ANKFN1: variants seen among roughly 807,000 people sequenced by gnomAD.
ANKFN1 encodes the protein ankyrin repeat and fibronectin type III domain containing 1.
ANKFN1 carries 74 observed loss-of-function variants against 108.7 expected under a neutral mutation model. The observed-to-expected ratio is 0.68, with a 90% confidence interval of 0.56 to 0.83. The LOEUF is 0.83. Among genes scored for constraint, ANKFN1 ranks in the 40% least tolerant of loss-of-function variants. The pLI is 0.00. For synonymous variants in ANKFN1, 547 were observed against 516.2 expected (o/e 1.06, Z -0.81); for missense variants, 1,505 against 1,382.3 (o/e 1.09, Z -1.41).
chr17:56,363,379 A>G (rs1335730861), intron 6 of ANKFN1, among the ~76,000 whole-genome samples: 1 of 152,218 alleles, frequency 6.6e-6, no homozygotes, highest in Non-Finnish European at 1.5e-5. Context: ...ATGAGATATC[A>G]TCTAACACCT....
In ANKFN1 at chr17:56,457,909, C is replaced by A; in HGVS notation, c.1487C>A (p.Pro496Gln). 6.2e-7 allele frequency: 1 copy of A among 1,614,000 alleles called. No homozygotes were observed. The highest frequency in any genetic ancestry group is 1.1e-5 in the South Asian group (1 of 91,060). The change falls in exon 14 of 21, where the codon CCA becomes CAA. Residue 496 changes from proline (P) to glutamine (Q), a missense_variant. Coordinates refer to ENST00000682825, the MANE Select transcript of ANKFN1 (RefSeq NM_001370326.1). ...EDIRWLRQSI[P>Q]ISSSSSTVLQ... Reference sequence around the variant, plus strand: ...ATAAGGTGGCTGAGGCAAAGCATACCAATATCCTCATCCTCATCCACAGTG... The same window carrying A: ...ATAAGGTGGCTGAGGCAAAGCATACAAATATCCTCATCCTCATCCACAGTG...
chr17:56,335,723 A>G (rs2045788359), intron 4 of ANKFN1, among the ~76,000 whole-genome samples: 1 of 152,132 alleles, frequency 6.6e-6, no homozygotes, highest in Admixed American at 6.6e-5. Flanking sequence ...CTCTTGCCTG[A>G]TTGCCCTGGC....
intron 3 of ANKFN1, among the ~76,000 whole-genome samples, chr17:56,305,011 G>A (rs922551922): frequency 1.7e-4 from 26 of 152,142 alleles, no homozygotes; most frequent in African/African-American, 6.3e-4. Flanking sequence ...CTGAGACTAG[G>A]TAATTTATAA....
intron 3 of ANKFN1, among the ~76,000 whole-genome samples, chr17:56,246,989 C>A (rs1410909117): frequency 6.6e-6 from 1 of 152,228 alleles, no homozygotes; most frequent in East Asian, 1.9e-4. Flanking sequence ...TAGCTTATGT[C>A]AAAAGAACAT....
intron 3 of ANKFN1, among the ~76,000 whole-genome samples, chr17:56,250,171 G>C (rs1227296799): frequency 6.6e-6 from 1 of 152,122 alleles, no homozygotes; most frequent in African/African-American, 2.4e-5. Context: ...GAAACTTGGA[G>C]TCCAAAAAAC....
chr17:56,470,633 G>A (rs995076878), intron 15 of ANKFN1, among the ~76,000 whole-genome samples: 1 of 152,094 alleles, frequency 6.6e-6, no homozygotes, highest in Non-Finnish European at 1.5e-5. Context: ...CTGTACAAAA[G>A]TTATGATCCA....
Position 56,510,864 on chromosome 17 carries a change from C to A in ANKFN1, c.3036C>A (p.Ser1012Arg). 6.5e-7 allele frequency: 1 copy of A among 1,536,098 alleles called. No individual in the cohort carries two copies. Among genetic ancestry groups the A allele is most frequent in the Non-Finnish European group, 8.7e-7 (1 of 1,146,916 alleles). Residue 1012 changes from serine to arginine, a missense_variant, in exon 21 of 21, where the codon AGC becomes AGA. By Grantham distance (110) the Ser-to-Arg change is moderately radical (BLOSUM62 -1). Coordinates refer to ENST00000682825, the MANE Select transcript of ANKFN1 (RefSeq NM_001370326.1). ...AGCACCCCCACTATGGCGGCTTCAG[C>A]CGCCATCATCGCTGGTTGCGCATCC... ...PGKHPHYGGF[S>R]RHHRWLRIHS... is the part of the protein sequence containing the mutation.
intron 1 of ANKFN1, among the ~76,000 whole-genome samples, chr17:56,187,132 A>C (rs565089807): frequency 3.3e-5 from 5 of 152,352 alleles, no homozygotes; most frequent in African/African-American, 1.2e-4. Context: ...AGAAACTACC[A>C]TCAGAGTGAA....
intron 4 of ANKFN1, among the ~76,000 whole-genome samples, chr17:56,055,566 C>T (rs12945473): frequency 1.7e-3 from 79 of 47,442 alleles, no homozygotes; most frequent in Middle Eastern, 0.019. Flanking sequence ...GGTATATATA[C>T]ATATATATAT....
chr17:56,174,431 C>A, intron 1 of ANKFN1: 1 of 984,034 alleles, frequency 1.0e-6, no homozygotes, highest in Non-Finnish European at 1.2e-6. Context: ...AAGCAGTGAT[C>A]TTTTTAGTGA....
intron 3 of ANKFN1, among the ~76,000 whole-genome samples, chr17:56,230,925 C>T (rs901715163): frequency 6.6e-6 from 1 of 152,004 alleles, no homozygotes; most frequent in Non-Finnish European, 1.5e-5. Flanking sequence ...TCCCTGGGGC[C>T]CTGACTGCTC....
intron 1 of ANKFN1, among the ~76,000 whole-genome samples, chr17:56,195,991 A>G (rs548789819): frequency 1.5e-4 from 23 of 152,338 alleles, no homozygotes; most frequent in African/African-American, 5.5e-4. Flanking sequence ...CAAGTAAAGC[A>G]TTCAAAATGT....
At chr17:56,368,126 TG>T in intron 6 of ANKFN1, 2 of 1,266,470 alleles carry the variant, frequency 1.6e-6, no homozygotes, top group Admixed American at 2.5e-5. Context: ...ACAATGAGCC[TG>T]ATCACTATAA....
intron 4 of ANKFN1, among the ~76,000 whole-genome samples, chr17:56,343,511 A>G (rs1205358884): frequency 6.6e-6 from 1 of 151,632 alleles, no homozygotes; most frequent in Non-Finnish European, 1.5e-5. Flanking sequence ...CTCTCTTGCT[A>G]TCTTTAACTT....
intron 3 of ANKFN1, among the ~76,000 whole-genome samples, chr17:56,238,252 G>T (rs528196667): frequency 6.6e-6 from 1 of 152,158 alleles, no homozygotes; most frequent in Admixed American, 6.6e-5. Flanking sequence ...ATATTCTGTT[G>T]TTGGGGACAG....
intron 3 of ANKFN1, among the ~76,000 whole-genome samples, chr17:56,239,896 A>G (rs925641586): frequency 9.9e-5 from 15 of 152,170 alleles, no homozygotes; most frequent in African/African-American, 3.1e-4. Context: ...ATCCAGGACT[A>G]TGGGCAAGGA....
intron 3 of ANKFN1, among the ~76,000 whole-genome samples, chr17:56,290,956 G>T (rs2044347685): frequency 6.6e-6 from 1 of 152,130 alleles, no homozygotes; most frequent in Non-Finnish European, 1.5e-5. Context: ...AATGCTTAGA[G>T]AACAATGACT....
intron 4 of ANKFN1, among the ~76,000 whole-genome samples, chr17:56,092,541 T>C (rs1035598695): frequency 6.6e-6 from 1 of 151,132 alleles, no homozygotes; most frequent in Admixed American, 6.6e-5. Flanking sequence ...CCCAAAGTGT[T>C]AGGATTACAG....
intron 8 of ANKFN1, among the ~76,000 whole-genome samples, chr17:56,422,916 A>T (rs9889952): frequency 0.02 from 3,035 of 152,262 alleles, 94 homozygotes; most frequent in African/African-American, 0.068. Flanking sequence ...GTTGTTTGAG[A>T]CCCCAAAGTC....
Sources: allele counts gnomAD v4.1 joint callset (sites outside exome capture counted in the v4.1 genomes callset), GRCh38; gene constraint gnomAD v4.1.1; transcripts MANE v1.5; gene names NCBI Gene and HGNC (gene_info 2026-07-23, HGNC 2026-07-21).